The following MAPK10 variants were observed in gnomAD, a reference collection of about 807,000 sequenced individuals.
The protein encoded by MAPK10 is JNK3 alpha protein kinase.
In MAPK10, 25 loss-of-function variants were observed where a neutral mutation model predicts 59.3. The ratio of observed to expected loss-of-function variants is 0.42; its 90% CI spans 0.31 to 0.59. The LOEUF (loss-of-function observed/expected upper bound fraction) is 0.59. MAPK10 is among the 20% of genes least tolerant of loss of function. MAPK10 has a pLI of 0.15. For missense variants in MAPK10, 351 were observed against 568.9 expected, an observed-to-expected ratio of 0.62 and a Z score of 3.90; for synonymous variants, 190 against 200.5, an observed-to-expected ratio of 0.95 and a Z score of 0.44.
intron 1 of MAPK10, among the ~76,000 whole-genome samples, chr4:86,389,682 A>G (rs1741950353): frequency 6.6e-6 from 1 of 152,208 alleles, no homozygotes; most frequent in African/African-American, 2.4e-5. Flanking sequence ...TATCCAACAC[A>G]TGACAAACCT....
At chr4:86,405,085 C>T (rs1024759274) in intron 1 of MAPK10, among the ~76,000 whole-genome samples, 2 of 152,142 alleles carry the variant, frequency 1.3e-5, no homozygotes, top group Admixed American at 6.6e-5. Context: ...CACTCAATTG[C>T]TTACTGTCTG....
At chr4:86,470,554 A>G (rs527533206) in intron 1 of MAPK10, among the ~76,000 whole-genome samples, 1 of 151,986 alleles carries the variant, frequency 6.6e-6, no homozygotes, top group East Asian at 1.9e-4. Flanking sequence ...TATCTTCTTA[A>G]TTCATTAATT....
At chr4:86,362,886 T>C (rs1028834650), upstream of MAPK10, among the ~76,000 whole-genome samples, 1 of 152,174 alleles carries the variant, frequency 6.6e-6, no homozygotes, top group African/African-American at 2.4e-5. Flanking sequence ...ATTTTGGTAG[T>C]TTTTATAATT....
chr4:86,500,039 A>C (rs2063062555), intron 1 of MAPK10, among the ~76,000 whole-genome samples: 1 of 152,196 alleles, frequency 6.6e-6, no homozygotes, highest in Admixed American at 6.5e-5. Context: ...CCTTTTATGA[A>C]AGAAATATAA....
upstream of MAPK10, among the ~76,000 whole-genome samples, chr4:86,362,259 AT>A (rs1737127811): frequency 6.6e-6 from 1 of 152,130 alleles, no homozygotes; most frequent in Non-Finnish European, 1.5e-5. Flanking sequence ...CTTACCTTAC[AT>A]TGTGAACACA....
At position 86,095,994 on chromosome 4, in the gene MAPK10, G is replaced by T. The variant is rs190068851; in HGVS notation, c.802+2530C>A. On this transcript the variant is annotated intron_variant, in intron 9 of 13. Coordinates refer to ENST00000641462, the MANE Select transcript of MAPK10 (RefSeq NM_138982.4). Reference sequence around the variant, plus strand: ...TAACTTAAGTAAAAGGCTTTCCATTGTAGGTGTCTTTATGCAATTTTTTTT... The same window carrying T: ...TAACTTAAGTAAAAGGCTTTCCATTTTAGGTGTCTTTATGCAATTTTTTTT... Among the ~76,000 whole-genome samples, 7 of 151,804 alleles carry T rather than the reference G, an allele frequency of 4.6e-5. No individual in the cohort carries two copies. In the East Asian group the frequency reaches 9.7e-4, roughly 21 times the overall value.
intron 1 of MAPK10, among the ~76,000 whole-genome samples, chr4:86,591,783 C>T (rs1449482558): frequency 6.6e-6 from 1 of 152,044 alleles, no homozygotes; most frequent in Non-Finnish European, 1.5e-5. Context: ...CAAATGACAA[C>T]CCTGACTTAT....
chr4:86,139,351 C>T (rs1437111378), intron 4 of MAPK10, among the ~76,000 whole-genome samples: 1 of 151,074 alleles, frequency 6.6e-6, no homozygotes, highest in African/African-American at 2.5e-5. Flanking sequence ...ATCAATGGAA[C>T]AGAACAGAGC....
At chr4:86,422,375 C>T (rs1298326359) in intron 1 of MAPK10, among the ~76,000 whole-genome samples, 1 of 152,142 alleles carries the variant, frequency 6.6e-6, no homozygotes, top group Non-Finnish European at 1.5e-5. Flanking sequence ...AAGGCAATGC[C>T]TAACATGTGG....
chr4:86,450,643 C>A (rs1237290726), intron 1 of MAPK10, among the ~76,000 whole-genome samples: 1 of 152,128 alleles, frequency 6.6e-6, no homozygotes, highest in Admixed American at 6.5e-5. Context: ...GTAACCTACC[C>A]ATAGTTATAA....
intron 1 of MAPK10, among the ~76,000 whole-genome samples, chr4:86,497,433 C>T (rs1754953497): frequency 6.6e-6 from 1 of 152,148 alleles, no homozygotes; most frequent in African/African-American, 2.4e-5. Context: ...TCAGAGCACA[C>T]ACTACACTGC....
intron 2 of MAPK10, among the ~76,000 whole-genome samples, chr4:86,279,356 G>C (rs1389711731): frequency 6.6e-6 from 1 of 152,090 alleles, no homozygotes; most frequent in African/African-American, 2.4e-5. Flanking sequence ...AGATAGAGAA[G>C]TACGCACATC....
In MAPK10 at chr4:86,110,660, G is replaced by T. The variant is rs1422650959; in HGVS notation, c.237-3308C>A. 2.0e-5 allele frequency among the ~76,000 whole-genome samples: 3 copies of T among 152,158 alleles called. No individual in the cohort carries two copies. In the East Asian group the frequency reaches 5.8e-4, roughly 29 times the overall value. On this transcript the variant is annotated intron_variant, in intron 4 of 13. Transcript: ENST00000641462. Reference sequence around the variant, plus strand: ...GCCTTGTAGTATAGTTTGAAGTCAGGTAGTATGATGTCTCCAGCTTTCTTC... The same window carrying T: ...GCCTTGTAGTATAGTTTGAAGTCAGTTAGTATGATGTCTCCAGCTTTCTTC...
chr4:86,321,286 A>G (rs1470612262), intron 2 of MAPK10, among the ~76,000 whole-genome samples: 41 of 151,832 alleles, frequency 2.7e-4, no homozygotes, highest in Admixed American at 4.6e-4. Context: ...ACATGCACAC[A>G]TATGTTTATT....
intron 2 of MAPK10, among the ~76,000 whole-genome samples, chr4:86,317,709 C>A (rs2095816751): frequency 6.6e-6 from 1 of 152,168 alleles, no homozygotes; most frequent in Non-Finnish European, 1.5e-5. Flanking sequence ...CTCTTCCAGG[C>A]TACATAAGGA....
chr4:86,207,641 G>A (rs906846437), intron 2 of MAPK10, among the ~76,000 whole-genome samples: 31 of 152,122 alleles, frequency 2.0e-4, no homozygotes, highest in South Asian at 6.2e-4. Flanking sequence ...CTTGGGCAGT[G>A]TGGCCATTTT....
intron 1 of MAPK10, among the ~76,000 whole-genome samples, chr4:86,477,075 G>A (rs931753275): frequency 8.5e-5 from 13 of 152,132 alleles, no homozygotes; most frequent in Non-Finnish European, 1.2e-4. Context: ...GACACTGCCC[G>A]ATTGCCTCAG....
chr4:86,363,236 AGTT>A (rs1019739983), upstream of MAPK10, among the ~76,000 whole-genome samples: 14 of 152,230 alleles, frequency 9.2e-5, no homozygotes, highest in Admixed American at 2.0e-4. Context: ...ACTTTGTACT[AGTT>A]ATTATAAATA....
In MAPK10 at chr4:86,346,733, GAAAAAA is replaced by G. The variant is rs3030114; in HGVS notation, c.-7+7791_-7+7796del. 5.0e-3 allele frequency among the ~76,000 whole-genome samples: 690 copies of G among 138,654 alleles called. 1 individual carries two copies. Among genetic ancestry groups the G allele is most frequent in the Non-Finnish European group, 5.4e-3 (348 of 64,778 alleles). The allele number at this position is 138,654 out of a possible 152,430, so 91.0% of individuals were successfully genotyped here. On this transcript the variant is annotated intron_variant, in intron 2 of 13. Coordinates refer to ENST00000641462, the MANE Select transcript of MAPK10 (RefSeq NM_138982.4). ...TGTATTTTTAACCCAAGTTTGTTTG[GAAAAAA>G]AAAAAAAAAAAAACACATCTAAGTG...
Sources: gnomAD v4.1 joint callset for allele counts (sites outside exome capture counted in the v4.1 genomes callset) on GRCh38, gnomAD v4.1.1 for gene constraint, MANE v1.5 for transcripts, NCBI Gene and HGNC (gene_info 2026-07-23, HGNC 2026-07-21) for gene names.